MAGI2: variants seen among roughly 807,000 people sequenced by gnomAD.
MAGI2 encodes the protein membrane-associated guanylate kinase, WW and PDZ domain-containing protein 2.
In MAGI2, 35 loss-of-function variants were observed where a neutral mutation model predicts 133.3. The observed-to-expected ratio is 0.26, with a 90% CI of 0.20 to 0.35. MAGI2 has a LOEUF of 0.35. Ranked by LOEUF, MAGI2 falls within the 10% of genes least tolerant of loss-of-function variation. MAGI2 has a pLI of 1.00. For synonymous variants in MAGI2, 729 were observed against 710.6 expected (o/e 1.03, Z -0.41); for missense variants, 1,636 against 1,863.4 (o/e 0.88, Z 2.25).
intron 9 of MAGI2, among the ~76,000 whole-genome samples, chr7:78,321,100 C>T (rs1787955120): frequency 6.6e-6 from 1 of 152,160 alleles, no homozygotes; most frequent in Non-Finnish European, 1.5e-5. Flanking sequence ...CTACAAACCA[C>T]TGCTCAAGGA....
intron 2 of MAGI2, among the ~76,000 whole-genome samples, chr7:78,774,561 G>C (rs1482056390): frequency 2.0e-5 from 3 of 152,090 alleles, no homozygotes; most frequent in Non-Finnish European, 4.4e-5. Context: ...ATGTTGCCTT[G>C]TCAGTTCTCA....
chr7:78,666,199 A>G (rs565614517), intron 2 of MAGI2, among the ~76,000 whole-genome samples: 12 of 152,264 alleles, frequency 7.9e-5, no homozygotes, highest in Middle Eastern at 3.4e-3. Flanking sequence ...CGACTTTAAA[A>G]CTGCTGAGAT....
In MAGI2 at chr7:78,017,997, A is replaced by G. The variant is rs1807928496; in HGVS notation, c.*1318T>C. ...ATATGTGTAGCTACAGTAAGTACCAATGGCTAATTAATTGAAGCTAACATT... is the reference window on the plus strand; with the variant it reads ...ATATGTGTAGCTACAGTAAGTACCAGTGGCTAATTAATTGAAGCTAACATT... On this transcript the variant is annotated 3_prime_UTR_variant, in exon 22 of 22. Coordinates refer to ENST00000354212, the MANE Select transcript of MAGI2 (RefSeq NM_012301.4). The G allele has an allele frequency of 1.3e-5, 2 of 152,250 alleles. No homozygotes were observed. Among genetic ancestry groups the G allele is most frequent in the African/African-American group, 2.4e-5 (1 of 41,472 alleles). The allele number at this position is 152,250 out of a possible 1,614,324, so 9.4% of individuals were successfully genotyped here. A position where few individuals can be genotyped will look rare whatever the true frequency, so the allele number is the denominator to read the frequency against.
At chr7:78,060,254 C>A (rs6970942) in intron 21 of MAGI2, among the ~76,000 whole-genome samples, 1 of 136,700 alleles carries the variant, frequency 7.3e-6, no homozygotes, top group African/African-American at 2.9e-5. Context: ...ACCCCCCCCC[C>A]TCTTTAGATT....
At position 79,025,841 on chromosome 7, in the gene MAGI2, G is replaced by A. The variant is rs1389276135; in HGVS notation, c.302-18635C>T. On this transcript the variant is annotated intron_variant, in intron 1 of 21. Coordinates refer to ENST00000354212, the MANE Select transcript of MAGI2 (RefSeq NM_012301.4). ...GAAAGACCTACAAGTATTGTAAACT[G>A]GAAAAGAAAGCTATTTATTCCTGTT... is the stretch of plus-strand genomic sequence containing the variant. 1.3e-5 allele frequency among the ~76,000 whole-genome samples: 2 copies of A among 152,256 alleles called. 1 individual carries two copies. Among genetic ancestry groups the A allele is most frequent in the Admixed American group, 1.3e-4 (2 of 15,284 alleles).
At chr7:78,133,264 A>G (rs1450730696) in intron 17 of MAGI2, among the ~76,000 whole-genome samples, 1 of 152,236 alleles carries the variant, frequency 6.6e-6, no homozygotes, top group African/African-American at 2.4e-5. Context: ...TGATCACTGC[A>G]GAACAAGGCT....
chr7:79,191,139 T>G (rs1827619533), intron 1 of MAGI2, among the ~76,000 whole-genome samples: 1 of 151,610 alleles, frequency 6.6e-6, no homozygotes, highest in African/African-American at 2.4e-5. Flanking sequence ...ATTTTAAAAA[T>G]ATTTTCCTAA....
At chr7:79,317,873 C>T (rs775509910) in intron 1 of MAGI2, among the ~76,000 whole-genome samples, 6 of 152,150 alleles carry the variant, frequency 3.9e-5, no homozygotes, top group Non-Finnish European at 7.3e-5. Context: ...TGGTTTCAGC[C>T]AGCAGCATGT....
intron 21 of MAGI2, among the ~76,000 whole-genome samples, chr7:78,032,617 T>C (rs975251154): frequency 1.3e-5 from 2 of 152,180 alleles, no homozygotes; most frequent in African/African-American, 4.8e-5. Flanking sequence ...GACCTTACTA[T>C]CAAACTGGAA....
chr7:79,284,052 T>C (rs1734911234), intron 1 of MAGI2, among the ~76,000 whole-genome samples: 1 of 152,054 alleles, frequency 6.6e-6, no homozygotes, highest in South Asian at 2.1e-4. Context: ...CCTAAGTGTG[T>C]AGTAGGTTGT....
At chr7:79,371,625 A>G (rs1843058736) in intron 1 of MAGI2, among the ~76,000 whole-genome samples, 1 of 152,176 alleles carries the variant, frequency 6.6e-6, no homozygotes, top group Admixed American at 6.5e-5. Flanking sequence ...ATAATAGCGT[A>G]CATATGTAGT....
At chr7:78,073,928 G>A (rs967122865) in intron 21 of MAGI2, among the ~76,000 whole-genome samples, 4 of 152,136 alleles carry the variant, frequency 2.6e-5, no homozygotes, top group African/African-American at 7.2e-5. Flanking sequence ...TCAGGGGAGG[G>A]GAACTCACGC....
At chr7:78,063,415 AT>A (rs532242715) in intron 21 of MAGI2, among the ~76,000 whole-genome samples, 6 of 152,082 alleles carry the variant, frequency 3.9e-5, no homozygotes, top group African/African-American at 9.6e-5. Context: ...CTAATTGTTT[AT>A]TTTTTTGTAT....
At chr7:78,497,436 T>C (rs1438803218) in intron 5 of MAGI2, among the ~76,000 whole-genome samples, 1 of 152,208 alleles carries the variant, frequency 6.6e-6, no homozygotes, top group Non-Finnish European at 1.5e-5. Flanking sequence ...GTTGGCCTGC[T>C]AGTTTACCAG....
intron 1 of MAGI2, among the ~76,000 whole-genome samples, chr7:79,121,334 C>T (rs969431810): frequency 2.9e-4 from 44 of 152,222 alleles, no homozygotes; most frequent in African/African-American, 1.0e-3. Flanking sequence ...TCCCTTTAGG[C>T]TCTTGTATGC....
intron 21 of MAGI2, among the ~76,000 whole-genome samples, chr7:78,076,575 G>A (rs1478473726): frequency 2.6e-5 from 4 of 151,594 alleles, no homozygotes; most frequent in East Asian, 1.9e-4. Context: ...GGCCGGGCGC[G>A]GTGGCTCACG....
intron 2 of MAGI2, among the ~76,000 whole-genome samples, chr7:78,853,325 A>ATTCGTTCTTT (rs1554587301): frequency 0.012 from 1,018 of 84,696 alleles, 32 homozygotes; most frequent in African/African-American, 0.045. Flanking sequence ...ACTCTTGTCC[A>ATTCGTTCTTT]TTCGTTCTTT....
At chr7:79,362,137 A>T (rs1285172108) in intron 1 of MAGI2, among the ~76,000 whole-genome samples, 2 of 148,042 alleles carry the variant, frequency 1.4e-5, no homozygotes, top group Admixed American at 1.4e-4. Context: ...GCTTTTTTTT[A>T]AAAAAACAAT....
chr7:78,894,628 T>A (rs1361528965), intron 2 of MAGI2, among the ~76,000 whole-genome samples: 1 of 151,926 alleles, frequency 6.6e-6, no homozygotes, highest in African/African-American at 2.4e-5. Flanking sequence ...TTTTACAAAA[T>A]CCCCAAGAAA....
Sources: allele counts gnomAD v4.1 joint callset (sites outside exome capture counted in the v4.1 genomes callset), GRCh38; gene constraint gnomAD v4.1.1; transcripts MANE v1.5; gene names NCBI Gene and HGNC (gene_info 2026-07-23, HGNC 2026-07-21).